The following BUB1B variants were observed in gnomAD, a reference collection of about 807,000 sequenced individuals.
BUB1B encodes mitotic checkpoint serine/threonine-protein kinase BUB1 beta.
In BUB1B, 86 loss-of-function variants were observed where a neutral mutation model predicts 137.7. The ratio of observed to expected loss-of-function variants is 0.62; its 90% CI spans 0.52 to 0.75. The LOEUF (loss-of-function observed/expected upper bound fraction) is 0.75. Ranked by LOEUF, BUB1B falls within the 30% of genes least tolerant of loss-of-function variation. The probability of loss-of-function intolerance (pLI) is 0.00; values close to 1 mark genes in which losing one functional copy is unlikely to be tolerated. For synonymous variants in BUB1B, 420 were observed against 417.9 expected (o/e 1.00, Z -0.06); for missense variants, 1,130 against 1,236.9 (o/e 0.91, Z 1.30).
rs1004969635 is a variant in BUB1B at position 40,200,261 on chromosome 15, T to C, written c.1419T>C (p.Pro473=). ...GCAAACAGCAAGAAGAGACGATGCC[T>C]ACAAAGGAGACAACTAAACTGCAAA... The part of the protein sequence containing the change: ...RTGDQQEETM[P]TKETTKLQIA... The change falls in exon 11 of 23, where the codon CCT becomes CCC. Residue 473 remains proline, a synonymous_variant. Coordinates refer to ENST00000287598, the MANE Select transcript of BUB1B (RefSeq NM_001211.6). The C allele has an allele frequency of 2.5e-6, 4 of 1,613,264 alleles. No individual in the cohort carries two copies. The highest frequency in any genetic ancestry group is 3.4e-6 in the Non-Finnish European group (4 of 1,179,454).
chr15:40,179,828 A>G (rs371981441), intron 5 of BUB1B, among the ~76,000 whole-genome samples: 7 of 151,936 alleles, frequency 4.6e-5, no homozygotes, highest in East Asian at 1.9e-4. Flanking sequence ...ATGTTTTACC[A>G]TTTAAAGTAA....
At position 40,210,151 on chromosome 15, in the gene BUB1B, G is replaced by GA. The variant is rs767768253; in HGVS notation, c.2328dup (p.Asp777ArgfsTer41). 1.2e-6 allele frequency: 2 copies of GA among 1,612,574 alleles called. No homozygotes were observed. The highest frequency in any genetic ancestry group is 1.7e-6 in the Non-Finnish European group (2 of 1,178,906). ...CATTAAACGAGAATACCTAATATGTGAAGATTACAAGTTATTCTGGGTGGC... is the reference window on the plus strand; with the variant it reads ...CATTAAACGAGAATACCTAATATGTGAAAGATTACAAGTTATTCTGGGTGGC... On this transcript the variant is annotated frameshift_variant, in exon 18 of 23. Transcript: ENST00000287598. LOFTEE classifies it high-confidence loss of function.
At position 40,185,158 on chromosome 15, in the gene BUB1B, C is replaced by T; in HGVS notation, c.752-7C>T. 1 of 1,609,044 alleles carries T rather than the reference C, an allele frequency of 6.2e-7. No individual in the cohort carries two copies. Among genetic ancestry groups the T allele is most frequent in the Non-Finnish European group, 8.5e-7 (1 of 1,175,956 alleles). ...TTTACATGAGGTTTTAATATTTTTG[C>T]TCCTAGCTCCAAGCCAGAACAGAGG... On this transcript the variant is annotated splice_region_variant and splice_polypyrimidine_tract_variant and intron_variant, in intron 6 of 22. Transcript: ENST00000287598.
At position 40,161,296 on chromosome 15, in the gene BUB1B, G is replaced by A. The variant is rs2277560; in HGVS notation, c.35+41G>A. 753,774 of 1,596,574 alleles carry A rather than the reference G, an allele frequency of 0.47. 182,850 individuals are homozygous for A. The highest frequency in any genetic ancestry group is 0.5 in the Non-Finnish European group (586,776 of 1,170,836). ...AGCTGCTGGGGGCTGGGCCTGAGAG[G>A]ACACGGCCTGGTAGGTAATAGAAGG... On this transcript the variant is annotated intron_variant, in intron 1 of 22. Coordinates refer to ENST00000287598, the MANE Select transcript of BUB1B (RefSeq NM_001211.6).
At chr15:40,200,123 C>T (rs2037546373) in intron 10 of BUB1B, 121 bp from the exon 11 acceptor site, 3 of 747,524 alleles carry the variant, frequency 4.0e-6, no homozygotes, top group Non-Finnish European at 7.1e-6. Context: ...TTTTGTGGTA[C>T]ACTCATTTTG....
At position 40,217,668 on chromosome 15, in the gene BUB1B, G is replaced by A. The variant is rs1476740808; in HGVS notation, c.2850+1G>A. On this transcript the variant is annotated splice_donor_variant, in intron 21 of 22. Transcript: ENST00000287598. LOFTEE classifies it high-confidence loss of function. The stretch of plus-strand genomic sequence containing the variant: ...GGCTAACTGTTCTTCTCCCTACCAG[G>A]TAAGTGTAAAACAAGCCTGAGCAAA... The A allele has an allele frequency of 1.2e-6, 2 of 1,614,112 alleles. No homozygotes were observed. Among genetic ancestry groups the A allele is most frequent in the South Asian group, 2.2e-5 (2 of 91,082 alleles).
chr15:40,216,564 TA>T (rs1460265930), intron 20 of BUB1B, among the ~76,000 whole-genome samples: 1,032 of 79,038 alleles, frequency 0.013, 4 homozygotes, highest in South Asian at 0.02. Context: ...TATATATATA[TA>T]TATATATTTT....
rs1250275763 is a variant in BUB1B at position 40,209,738 on chromosome 15, A to C, written c.2247A>C (p.Pro749=). 1 of 1,614,192 alleles carries C rather than the reference A, an allele frequency of 6.2e-7. No homozygotes were observed. The highest frequency in any genetic ancestry group is 8.5e-7 in the Non-Finnish European group (1 of 1,180,028). The change falls in exon 17 of 23, where the codon CCA becomes CCC. Residue 749 remains proline (P), a synonymous_variant. Coordinates refer to ENST00000287598, the MANE Select transcript of BUB1B (RefSeq NM_001211.6). ...CAGAGTTGTGTATAGAAGACAGACC[A>C]ATGCCTAAGTTGGAAATTGAGAAGG... ...ASAELCIEDR[P]MPKLEIEKEI...
chr15:40,186,741 A>G (rs563716037), intron 8 of BUB1B, among the ~76,000 whole-genome samples: 18 of 151,694 alleles, frequency 1.2e-4, no homozygotes, highest in South Asian at 6.3e-4. Context: ...CACTGCGCCC[A>G]GCCCTAGTCC....
chr15:40,172,766 T>A (rs892555019), intron 4 of BUB1B, among the ~76,000 whole-genome samples: 1 of 152,208 alleles, frequency 6.6e-6, no homozygotes, highest in Non-Finnish European at 1.5e-5. Context: ...GTATCTTGAT[T>A]TCCTCAGGAC....
chr15:40,163,876 C>G (rs991609431), intron 1 of BUB1B, among the ~76,000 whole-genome samples: 3 of 152,176 alleles, frequency 2.0e-5, no homozygotes, highest in Non-Finnish European at 2.9e-5. Flanking sequence ...CTGTCTCCAA[C>G]GAGTTTTCAG....
chr15:40,175,043 G>A (rs2037209880), intron 4 of BUB1B, among the ~76,000 whole-genome samples: 1 of 152,192 alleles, frequency 6.6e-6, no homozygotes, highest in Non-Finnish European at 1.5e-5. Context: ...TTAGAGTCTG[G>A]TGGAATGAGT....
In BUB1B at chr15:40,192,259, T is replaced by TG. The variant is rs1322310227; in HGVS notation, c.1059-4284dup. Among the ~76,000 whole-genome samples the TG allele has an allele frequency of 3.9e-5, 6 of 152,268 alleles. No homozygotes were observed. In the East Asian group the frequency reaches 1.2e-3, roughly 29 times the overall value. ...GGGCAGTGTTAGCTTTGCAGAAAAATGGAGTAGAAAGTACAGAGAGTTCCC... is the reference window on the plus strand; with the variant it reads ...GGGCAGTGTTAGCTTTGCAGAAAAATGGGAGTAGAAAGTACAGAGAGTTCCC... On this transcript the variant is annotated intron_variant, in intron 8 of 22. Coordinates refer to ENST00000287598, the MANE Select transcript of BUB1B (RefSeq NM_001211.6).
chr15:40,215,507 C>T (rs963528937), intron 20 of BUB1B, among the ~76,000 whole-genome samples: 2 of 151,694 alleles, frequency 1.3e-5, no homozygotes, highest in Non-Finnish European at 2.9e-5. Flanking sequence ...CAGTAGCTCA[C>T]GCCTGTAATC....
intron 9 of BUB1B, among the ~76,000 whole-genome samples, chr15:40,198,490 C>G (rs2037525954): frequency 6.6e-6 from 1 of 152,164 alleles, no homozygotes; most frequent in Admixed American, 6.6e-5. Flanking sequence ...AATGTGGTTT[C>G]TAGTTACTGT....
chr15:40,181,289 C>A lies in BUB1B; in HGVS notation c.582-2425C>A, dbSNP rs535120401. Among the ~76,000 whole-genome samples, 19 of 152,050 alleles carry A rather than the reference C, an allele frequency of 1.2e-4. No homozygotes were observed. In the East Asian group the frequency reaches 3.7e-3, roughly 29 times the overall value. Reference sequence around the variant, plus strand: ...TATTTTTAGTAGAGATGGGGTTTCTCCATGTTGGTCAGGCTGGTCTCCAAC... The same window carrying A: ...TATTTTTAGTAGAGATGGGGTTTCTACATGTTGGTCAGGCTGGTCTCCAAC... On this transcript the variant is annotated intron_variant, in intron 5 of 22. Coordinates refer to ENST00000287598, the MANE Select transcript of BUB1B (RefSeq NM_001211.6).
intron 20 of BUB1B, among the ~76,000 whole-genome samples, chr15:40,215,191 C>T (rs968151773): frequency 2.6e-5 from 4 of 152,112 alleles, no homozygotes; most frequent in African/African-American, 7.2e-5. Flanking sequence ...AGAAAGGGGC[C>T]GAGCACAGTG....
In BUB1B at chr15:40,161,139, A is replaced by G; in HGVS notation, c.-82A>G. ...TGGTCGCTTCTGTAGCTCCGAGGGC[A>G]GGTTGCGGAAGAAAGCCCAGGCGGT... On this transcript the variant is annotated 5_prime_UTR_variant, in exon 1 of 23. Transcript: ENST00000287598. The G allele has an allele frequency of 2.4e-5, 38 of 1,563,466 alleles. No homozygotes were observed. The highest frequency in any genetic ancestry group is 3.2e-5 in the Non-Finnish European group (37 of 1,149,702).
chr15:40,209,828 G>C, intron 17 of BUB1B, 53 bp downstream of exon 17: 4 of 1,585,514 alleles, frequency 2.5e-6, no homozygotes, highest in Non-Finnish European at 2.6e-6. Flanking sequence ...ACAAATAAGT[G>C]ATTATTTGTA....
Sources: gnomAD v4.1 joint callset for allele counts (sites outside exome capture counted in the v4.1 genomes callset) on GRCh38, gnomAD v4.1.1 for gene constraint, MANE v1.5 for transcripts, NCBI Gene and HGNC (gene_info 2026-07-23, HGNC 2026-07-21) for gene names.